The following TXLNG variants were observed in gnomAD, a reference collection of about 807,000 sequenced individuals.
TXLNG encodes the protein taxilin gamma.
In TXLNG, 5 loss-of-function variants were observed where a neutral mutation model predicts 38.8. The observed-to-expected ratio is 0.13, with a 90% confidence interval of 0.07 to 0.27. The LOEUF (loss-of-function observed/expected upper bound fraction) is 0.27. Among genes scored for constraint, TXLNG ranks in the 10% least tolerant of loss-of-function variants. TXLNG has a pLI of 1.00. For missense variants in TXLNG, 393 were observed against 398.2 expected, an observed-to-expected ratio of 0.99 and a Z score of 0.11; for synonymous variants, 182 against 158.2, an observed-to-expected ratio of 1.15 and a Z score of -1.13.
At chrX:16,837,864 T>G (rs1320326698) in intron 8 of TXLNG, among the ~76,000 whole-genome samples, 179 bp downstream of exon 8, 2 of 111,844 alleles carry the variant, frequency 1.8e-5, no homozygotes, top group Non-Finnish European at 3.8e-5. Context: ...TAGCTAATGT[T>G]CTCTATGCTC....
At chrX:16,814,003 G>A (rs1391593158) in intron 1 of TXLNG, among the ~76,000 whole-genome samples, 4 of 110,746 alleles carry the variant, frequency 3.6e-5, no homozygotes, top group African/African-American at 6.6e-5. Flanking sequence ...GGAGAATGGC[G>A]TGAACCCGGG....
chrX:16,825,154 A>G (rs962966721), intron 3 of TXLNG, among the ~76,000 whole-genome samples: 4 of 112,139 alleles, frequency 3.6e-5, no homozygotes, highest in Non-Finnish European at 7.5e-5. Context: ...ATTCAAAGAG[A>G]TGTTCCACCT....
intron 1 of TXLNG, among the ~76,000 whole-genome samples, chrX:16,811,295 ATTC>A (rs1039192418): frequency 2.7e-5 from 3 of 112,136 alleles, no homozygotes; most frequent in Non-Finnish European, 5.6e-5. Flanking sequence ...TTAATTTAAT[ATTC>A]TTCTTTATGC....
chrX:16,841,652 T>A lies in TXLNG; in HGVS notation c.1473T>A (p.Thr491=). The change falls in exon 10 of 10, where the codon ACT becomes ACA. Residue 491 remains threonine, a synonymous_variant. Coordinates refer to ENST00000380122, the MANE Select transcript of TXLNG (RefSeq NM_018360.3). ...TALDSHKELN[T]SSKRALGAHL... is the part of the protein sequence containing the mutation. Reference sequence around the variant, plus strand: ...TGGATTCTCACAAGGAGCTGAACACTTCCTCGAAAAGAGCCCTGGGAGCGC... The same window carrying A: ...TGGATTCTCACAAGGAGCTGAACACATCCTCGAAAAGAGCCCTGGGAGCGC... 8.3e-7 allele frequency: 1 copy of A among 1,211,449 alleles called. No individual in the cohort carries two copies. The highest frequency in any genetic ancestry group is 1.1e-6 in the Non-Finnish European group (1 of 895,466).
At position 16,842,611 on chromosome X, in the gene TXLNG, C is replaced by A. The variant is rs1318654365; in HGVS notation, c.*845C>A. ...GTTCATGTTTGCCGTTCAATGAAGT[C>A]CCTTGTCAAAGACAAGGACGGTCAA... On this transcript the variant is annotated 3_prime_UTR_variant, in exon 10 of 10. Coordinates refer to ENST00000380122, the MANE Select transcript of TXLNG (RefSeq NM_018360.3). 1 of 112,284 alleles carries A rather than the reference C, an allele frequency of 8.9e-6. No homozygotes were observed. The highest frequency in any genetic ancestry group is 1.9e-5 in the Non-Finnish European group (1 of 53,314). The allele number at this position is 112,284 out of a possible 1,213,427, so 9.3% of individuals were successfully genotyped here.
intron 3 of TXLNG, among the ~76,000 whole-genome samples, chrX:16,827,678 A>G (rs1237417824): frequency 1.8e-5 from 2 of 111,896 alleles, no homozygotes; most frequent in South Asian, 3.7e-4. Flanking sequence ...ACGGAAGTCA[A>G]GAAAGCCAGA....
intron 1 of TXLNG, among the ~76,000 whole-genome samples, chrX:16,789,996 C>G (rs1213118070): frequency 9.1e-6 from 1 of 110,229 alleles, no homozygotes; most frequent in African/African-American, 3.3e-5. Flanking sequence ...CGGGGTTTCT[C>G]CATGTTGGTC....
intron 1 of TXLNG, among the ~76,000 whole-genome samples, chrX:16,789,361 C>G: frequency 9.0e-6 from 1 of 110,724 alleles, no homozygotes; most frequent in Middle Eastern, 4.6e-3. Flanking sequence ...CAGTACATTA[C>G]TAGGGGTCTC....
In TXLNG at chrX:16,798,071, G is replaced by C. The variant is rs763657740; in HGVS notation, c.102+11482G>C. ...ATTGTAATAGTCTTTGTGGATAATT[G>C]TGGAAATCCTTTGATTCTGTTGGTC... On this transcript the variant is annotated intron_variant, in intron 1 of 9. Transcript: ENST00000380122. Among the ~76,000 whole-genome samples the C allele has an allele frequency of 7.1e-5, 8 of 112,345 alleles. No individual in the cohort carries two copies. The South Asian group carries it at 2.9e-3, about 41-fold the overall frequency.
Position 16,842,929 on chromosome X carries a change from C to T in TXLNG, c.*1163C>T, listed in dbSNP as rs1166934476. The T allele has an allele frequency of 8.9e-6, 1 of 111,840 alleles. No homozygotes were observed. Among genetic ancestry groups the T allele is most frequent in the African/African-American group, 3.2e-5 (1 of 30,773 alleles). 9.2% of individuals were successfully genotyped at this position (111,840 alleles called of 1,213,427 possible). ...TTTTTTAAGAAGAAAAAAGAAAAGC[C>T]ACAGTATTATCAAGGTCTCTACACT... On this transcript the variant is annotated 3_prime_UTR_variant, in exon 10 of 10. Coordinates refer to ENST00000380122, the MANE Select transcript of TXLNG (RefSeq NM_018360.3).
At position 16,837,638 on chromosome X, in the gene TXLNG, G is replaced by T. The variant is rs915062091; in HGVS notation, c.1105G>T (p.Ala369Ser). 9.9e-6 allele frequency: 12 copies of T among 1,206,875 alleles called. No individual in the cohort carries two copies. In the Middle Eastern group the frequency reaches 2.8e-3, roughly 279 times the overall value. Reference sequence around the variant, plus strand: ...GTTTGAAGAATTCCAGACTACCATGGCAAAAAGCAATGAACTGTTTACAAC... The same window carrying T: ...GTTTGAAGAATTCCAGACTACCATGTCAAAAAGCAATGAACTGTTTACAAC... ...DKFEEFQTTMAKSNELFTTFR... is the reference protein window; with the variant it reads ...DKFEEFQTTMSKSNELFTTFR... Residue 369 changes from alanine to serine, a missense_variant, in exon 8 of 10, where the codon GCA becomes TCA. Coordinates refer to ENST00000380122, the MANE Select transcript of TXLNG (RefSeq NM_018360.3).
rs753581562 is a variant in TXLNG at position 16,841,576 on chromosome X, A to T, written c.1397A>T (p.Lys466Ile). 8.3e-7 allele frequency: 1 copy of T among 1,211,701 alleles called. No homozygotes were observed. Among genetic ancestry groups the T allele is most frequent in the Non-Finnish European group, 1.1e-6 (1 of 895,517 alleles). Reference protein sequence around the residue: ...KEQVSIKAAIKAANRDLATPV... With the variant: ...KEQVSIKAAIIAANRDLATPV... ...CAGGTATCCATCAAAGCGGCCATCA[A>T]AGCGGCGAACAGGGATTTAGCAACA... Residue 466 changes from lysine to isoleucine, a missense_variant, in exon 10 of 10, where the codon AAA (lysine) becomes ATA (isoleucine). Transcript: ENST00000380122.
intron 2 of TXLNG, 94 bp from the exon 3 acceptor site, chrX:16,820,070 C>T (rs1176111561): frequency 6.2e-6 from 4 of 643,273 alleles, no homozygotes; most frequent in Non-Finnish European, 9.5e-6. Context: ...TTAGTTTACT[C>T]TGGATGTCAG....
At chrX:16,791,978 A>G (rs1053149270) in intron 1 of TXLNG, among the ~76,000 whole-genome samples, 2 of 112,617 alleles carry the variant, frequency 1.8e-5, no homozygotes, top group Non-Finnish European at 3.7e-5. Context: ...TCCAAATGAC[A>G]TAAAACTGCT....
chrX:16,840,925 T>A (rs1227018975), intron 9 of TXLNG, among the ~76,000 whole-genome samples: 1 of 106,922 alleles, frequency 9.4e-6, no homozygotes, highest in Non-Finnish European at 2.0e-5. Context: ...AAAGTTTATC[T>A]TTGGCTCACG....
chrX:16,819,437 G>A (rs1378684399), intron 2 of TXLNG, among the ~76,000 whole-genome samples: 1 of 110,540 alleles, frequency 9.0e-6, no homozygotes. Context: ...ATATTTTGAT[G>A]CAATATCTTA....
At chrX:16,832,823 G>A (rs1929463012) in intron 6 of TXLNG, 81 bp downstream of exon 6, 1 of 1,101,616 alleles carries the variant, frequency 9.1e-7, no homozygotes. Context: ...TTGTAACCAA[G>A]GCCGTTTGAA....
At chrX:16,836,374 C>T (rs1439380868) in intron 7 of TXLNG, among the ~76,000 whole-genome samples, 1 of 112,553 alleles carries the variant, frequency 8.9e-6, no homozygotes, top group Non-Finnish European at 1.9e-5. Context: ...TCAGAGGCCC[C>T]GTCAGTGTCT....
chrX:16,830,195 A>T lies in TXLNG; in HGVS notation c.864+425A>T, dbSNP rs762719990. Reference sequence around the variant, plus strand: ...TTAATGTTTCAGATTTTTTTTTTTTAAATGAGGGCTTTATATTATTTGGGA... The same window carrying T: ...TTAATGTTTCAGATTTTTTTTTTTTTAATGAGGGCTTTATATTATTTGGGA... On this transcript the variant is annotated intron_variant, in intron 5 of 9. Transcript: ENST00000380122. Among the ~76,000 whole-genome samples, 243 of 95,253 alleles carry T rather than the reference A, an allele frequency of 2.6e-3. 2 individuals are homozygous for T. The highest frequency in any genetic ancestry group is 8.9e-3 in the African/African-American group (227 of 25,386). The allele number at this position is 95,253 out of a possible 115,157, so 82.7% of individuals were successfully genotyped here. A position where few individuals can be genotyped will look rare whatever the true frequency, so the allele number is the denominator to read the frequency against.
Sources: gnomAD v4.1 joint callset for allele counts (sites outside exome capture counted in the v4.1 genomes callset) on GRCh38, gnomAD v4.1.1 for gene constraint, MANE v1.5 for transcripts, NCBI Gene and HGNC (gene_info 2026-07-23, HGNC 2026-07-21) for gene names.